The following NPAS3 variants were observed in gnomAD, a reference collection of about 807,000 sequenced individuals.
The protein encoded by NPAS3 is neuronal PAS domain-containing protein 3.
Under a neutral mutation model 73.1 loss-of-function variants are expected in NPAS3, and 14 were observed. The observed-to-expected ratio is 0.19, with a 90% CI of 0.13 to 0.30. NPAS3 has a LOEUF of 0.30. NPAS3 is among the 10% of genes least tolerant of loss of function. The pLI is 1.00. For missense variants in NPAS3, 1,096 were observed against 1,250.0 expected (o/e 0.88, Z 1.86); for synonymous variants, 620 against 541.5 (o/e 1.14, Z -2.01).
At chr14:33,458,291 T>A (rs1314517509) in intron 4 of NPAS3, among the ~76,000 whole-genome samples, 1 of 152,256 alleles carries the variant, frequency 6.6e-6, no homozygotes, top group Non-Finnish European at 1.5e-5. Context: ...CAAAAACATT[T>A]AAGGAAAAAT....
intron 2 of NPAS3, among the ~76,000 whole-genome samples, chr14:33,057,990 C>A (rs1396731368): frequency 6.6e-6 from 1 of 152,072 alleles, no homozygotes; most frequent in Non-Finnish European, 1.5e-5. Flanking sequence ...CCTATTTTCT[C>A]CAATTAAGTT....
At chr14:32,941,771 G>A (rs1018401790) in intron 1 of NPAS3, among the ~76,000 whole-genome samples, 34 of 152,260 alleles carry the variant, frequency 2.2e-4, no homozygotes, top group Non-Finnish European at 4.0e-4. Flanking sequence ...CGGGGTGGGG[G>A]CAGGAGCACT....
At chr14:33,645,077 A>G (rs913877817) in intron 5 of NPAS3, among the ~76,000 whole-genome samples, 15 of 139,134 alleles carry the variant, frequency 1.1e-4, no homozygotes, top group African/African-American at 4.2e-4. Flanking sequence ...GTGAAACTCC[A>G]TCTCAAAAAA....
At chr14:33,746,137 A>G (rs1450521602) in intron 7 of NPAS3, among the ~76,000 whole-genome samples, 3 of 151,926 alleles carry the variant, frequency 2.0e-5, no homozygotes, top group Non-Finnish European at 1.5e-5. Context: ...AACATTCCTT[A>G]GGGGATTCTA....
chr14:32,988,085 A>C (rs1282596069), intron 1 of NPAS3, among the ~76,000 whole-genome samples: 1 of 152,208 alleles, frequency 6.6e-6, no homozygotes, highest in Non-Finnish European at 1.5e-5. Context: ...AAAATATATC[A>C]AAATGCCAAT....
chr14:33,610,914 G>A (rs1402743391), intron 5 of NPAS3: 2 of 152,210 alleles, frequency 1.3e-5, no homozygotes, highest in African/African-American at 4.8e-5. Context: ...CAGAACACAG[G>A]AGCAGCTTAT....
At chr14:33,403,226 C>G (rs183715344) in intron 4 of NPAS3, among the ~76,000 whole-genome samples, 3 of 151,742 alleles carry the variant, frequency 2.0e-5, no homozygotes, top group African/African-American at 4.8e-5. Context: ...AGAAAATGAA[C>G]TAGAAGAAAG....
chr14:33,524,002 A>G lies in NPAS3; in HGVS notation c.469-36119A>G, dbSNP rs573771915. On this transcript the variant is annotated intron_variant, in intron 4 of 11. Transcript: ENST00000356141. ...AGCAGATCCTAGTGCTAGGCATATA[A>G]TAGCCAAAAATAACTATAACTATCT... Among the ~76,000 whole-genome samples, 5 of 152,290 alleles carry G rather than the reference A, an allele frequency of 3.3e-5. No individual in the cohort carries two copies. The South Asian group carries it at 1.0e-3, about 32-fold the overall frequency.
chr14:33,045,878 G>A (rs1393465714), intron 1 of NPAS3, among the ~76,000 whole-genome samples: 4 of 152,146 alleles, frequency 2.6e-5, no homozygotes, highest in Non-Finnish European at 5.9e-5. Context: ...TGACTCTTCT[G>A]AGCCTATTCT....
chr14:33,140,495 T>G (rs2044005923), intron 2 of NPAS3, among the ~76,000 whole-genome samples: 1 of 152,166 alleles, frequency 6.6e-6, no homozygotes, highest in African/African-American at 2.4e-5. Flanking sequence ...GTGTCTTATT[T>G]CTTTCTAGAA....
intron 4 of NPAS3, among the ~76,000 whole-genome samples, chr14:33,445,431 C>T (rs561348559): frequency 6.6e-6 from 1 of 152,320 alleles, no homozygotes; most frequent in South Asian, 2.1e-4. Context: ...CTGACATGTG[C>T]CTCCAATTTC....
chr14:32,938,484 ATTG>A (rs2035783412), upstream of NPAS3, among the ~76,000 whole-genome samples: 1 of 24,788 alleles, frequency 4.0e-5, no homozygotes, highest in African/African-American at 2.6e-4. Flanking sequence ...AGAGAGAGAA[ATTG>A]AGAGAGAGAG....
intron 5 of NPAS3, among the ~76,000 whole-genome samples, chr14:33,610,350 CG>C (rs2057711171): frequency 1.3e-5 from 2 of 151,936 alleles, no homozygotes; most frequent in African/African-American, 4.8e-5. Context: ...TTTCATGATA[CG>C]CCTCTCCATC....
At chr14:33,302,520 GT>G (rs2042594288) in intron 3 of NPAS3, among the ~76,000 whole-genome samples, 1 of 152,200 alleles carries the variant, frequency 6.6e-6, no homozygotes, top group African/African-American at 2.4e-5. Context: ...GTGAAAAGTC[GT>G]TGATGAAAGA....
chr14:33,393,394 G>A (rs1205016799), intron 4 of NPAS3, among the ~76,000 whole-genome samples: 1 of 152,140 alleles, frequency 6.6e-6, no homozygotes, highest in Non-Finnish European at 1.5e-5. Flanking sequence ...ATTAGACAAG[G>A]AGAGTCATTA....
chr14:33,401,529 A>G (rs915269707), intron 4 of NPAS3, among the ~76,000 whole-genome samples: 1 of 152,052 alleles, frequency 6.6e-6, no homozygotes, highest in Admixed American at 6.6e-5. Flanking sequence ...GTCAGATTCC[A>G]CTGGGGCCTC....
In NPAS3 at chr14:33,686,691, C is replaced by T. The variant is rs116409311; in HGVS notation, c.733+10306C>T. On this transcript the variant is annotated intron_variant, in intron 6 of 11. Coordinates refer to ENST00000356141, the Ensembl canonical transcript of NPAS3. Reference sequence around the variant, plus strand: ...AAAAGTCATACAGATAGTAGGTAGACGGTCTAGAATTTGAACCCAAGCAGG... The same window carrying T: ...AAAAGTCATACAGATAGTAGGTAGATGGTCTAGAATTTGAACCCAAGCAGG... Among the ~76,000 whole-genome samples the T allele has an allele frequency of 1.8e-3, 278 of 152,194 alleles. 1 individual carries two copies. The highest frequency in any genetic ancestry group is 6.1e-3 in the African/African-American group (255 of 41,530).
At chr14:33,404,612 CT>C (rs1319169261) in intron 4 of NPAS3, among the ~76,000 whole-genome samples, 2 of 152,134 alleles carry the variant, frequency 1.3e-5, no homozygotes, top group South Asian at 2.1e-4. Context: ...GAGCTACATA[CT>C]TTTTTTATAT....
At chr14:33,567,282 C>G (rs905255399) in intron 5 of NPAS3, among the ~76,000 whole-genome samples, 1 of 152,234 alleles carries the variant, frequency 6.6e-6, no homozygotes, top group Non-Finnish European at 1.5e-5. Flanking sequence ...TCTGAGTGAA[C>G]AAGACGTGCT....
Sources: gnomAD v4.1 joint callset for allele counts (sites outside exome capture counted in the v4.1 genomes callset) on GRCh38, gnomAD v4.1.1 for gene constraint, MANE v1.5 for transcripts, NCBI Gene and HGNC (gene_info 2026-07-23, HGNC 2026-07-21) for gene names.